USP12: variants seen among roughly 807,000 people sequenced by gnomAD.
USP12 encodes ubiquitin carboxyl-terminal hydrolase 12.
A neutral mutation model predicts 45.5 loss-of-function variants in USP12; 19 were observed. That is an observed-to-expected ratio of 0.42 (90% CI 0.29 to 0.61). USP12 has a LOEUF of 0.61. Ranked by LOEUF, USP12 falls within the 20% of genes least tolerant of loss-of-function variation. The pLI is 0.22. For missense variants in USP12, 242 were observed against 447.7 expected, an observed-to-expected ratio of 0.54 and a Z score of 4.15; for synonymous variants, 149 against 148.8, an observed-to-expected ratio of 1.00 and a Z score of -0.01.
intron 1 of USP12, among the ~76,000 whole-genome samples, chr13:27,156,625 C>A (rs1877855234): frequency 6.6e-6 from 1 of 152,180 alleles, no homozygotes; most frequent in Non-Finnish European, 1.5e-5. Context: ...TGAGACCAGC[C>A]TGGCCAACAT....
chr13:27,144,252 C>G (rs1877204111), intron 1 of USP12, among the ~76,000 whole-genome samples: 1 of 151,840 alleles, frequency 6.6e-6, no homozygotes, highest in South Asian at 2.1e-4. Flanking sequence ...AACCCCAGTG[C>G]TTTGGGAGAC....
chr13:27,088,338 T>C (rs1003386473), intron 6 of USP12, among the ~76,000 whole-genome samples: 3 of 143,406 alleles, frequency 2.1e-5, no homozygotes, highest in Admixed American at 1.5e-4. Context: ...ATGGCGTGAA[T>C]CCGGGAAGGC....
Position 27,150,454 on chromosome 13 carries a change from C to T in USP12, c.48+21138G>A, listed in dbSNP as rs557607201. On this transcript the variant is annotated intron_variant, in intron 1 of 8. Coordinates refer to ENST00000282344, the MANE Select transcript of USP12 (RefSeq NM_182488.4). Reference sequence around the variant, plus strand: ...AAAGAAATTAAAGGAAATCTAAACACAGAGAAAAACATACCATGTTCACAG... The same window carrying T: ...AAAGAAATTAAAGGAAATCTAAACATAGAGAAAAACATACCATGTTCACAG... 3.3e-5 allele frequency among the ~76,000 whole-genome samples: 5 copies of T among 152,178 alleles called. No individual in the cohort carries two copies. In the East Asian group the frequency reaches 9.6e-4, roughly 29 times the overall value.
At chr13:27,143,198 G>T (rs1470507765) in intron 1 of USP12, among the ~76,000 whole-genome samples, 1 of 151,246 alleles carries the variant, frequency 6.6e-6, no homozygotes, top group East Asian at 1.9e-4. Flanking sequence ...CAAAAAGAAT[G>T]ATTGTAATTG....
At chr13:27,099,859 T>C (rs1874784789) in intron 3 of USP12, among the ~76,000 whole-genome samples, 1 of 152,216 alleles carries the variant, frequency 6.6e-6, no homozygotes, top group Non-Finnish European at 1.5e-5. Context: ...ATCCCCATGT[T>C]ATGTTTAAAA....
At chr13:27,163,453 C>T (rs539552043) in intron 1 of USP12, among the ~76,000 whole-genome samples, 80 of 152,266 alleles carry the variant, frequency 5.3e-4, no homozygotes, top group African/African-American at 1.9e-3. Context: ...GAAGCTTTTT[C>T]CTGAAGCCCT....
At chr13:27,155,379 C>T (rs1340259126) in intron 1 of USP12, among the ~76,000 whole-genome samples, 2 of 152,006 alleles carry the variant, frequency 1.3e-5, no homozygotes, top group Non-Finnish European at 1.5e-5. Flanking sequence ...CTGCACCCAG[C>T]GACCTCCATA....
intron 1 of USP12, chr13:27,170,451 CT>C (rs1878538513): frequency 2.5e-6 from 1 of 397,122 alleles, no homozygotes; most frequent in East Asian, 3.6e-5. Context: ...TCAGAAGTCT[CT>C]AATAACAACC....
At chr13:27,123,707 G>C (rs1357940729) in intron 1 of USP12, among the ~76,000 whole-genome samples, 1 of 152,218 alleles carries the variant, frequency 6.6e-6, no homozygotes, top group Admixed American at 6.5e-5. Flanking sequence ...CGCCATGTAA[G>C]ACATGCCTTT....
At chr13:27,092,611 C>A (rs1874369749) in intron 4 of USP12, among the ~76,000 whole-genome samples, 1 of 152,122 alleles carries the variant, frequency 6.6e-6, no homozygotes, top group South Asian at 2.1e-4. Context: ...GGCAATTCAA[C>A]AGAGAAAGAA....
At chr13:27,098,114 G>A (rs1210338692) in intron 3 of USP12, among the ~76,000 whole-genome samples, 3 of 151,488 alleles carry the variant, frequency 2.0e-5, no homozygotes, top group Admixed American at 6.6e-5. Context: ...AGAAAGTAAA[G>A]TTGTTACTAC....
intron 8 of USP12, among the ~76,000 whole-genome samples, chr13:27,070,506 T>G (rs1873198600): frequency 6.7e-6 from 1 of 149,872 alleles, no homozygotes; most frequent in Non-Finnish European, 1.5e-5. Context: ...ATGGCTTAAT[T>G]TTTTTTTTTT....
intron 3 of USP12, 57 bp downstream of exon 3, chr13:27,105,674 G>A: frequency 1.3e-6 from 2 of 1,502,850 alleles, no homozygotes; most frequent in Non-Finnish European, 1.8e-6. Context: ...CTGGAATTAT[G>A]GCACACTATA....
chr13:27,136,026 G>A (rs991763483), intron 1 of USP12, among the ~76,000 whole-genome samples: 4 of 152,164 alleles, frequency 2.6e-5, no homozygotes, highest in African/African-American at 9.7e-5. Context: ...ATTTTAAACA[G>A]ACCCCAATTT....
At chr13:27,142,177 C>G (rs991957337) in intron 1 of USP12, among the ~76,000 whole-genome samples, 1 of 152,154 alleles carries the variant, frequency 6.6e-6, no homozygotes, top group African/African-American at 2.4e-5. Flanking sequence ...AGTGAAAAGC[C>G]TGGCAGGCCA....
chr13:27,167,694 T>C (rs554568374), intron 1 of USP12, among the ~76,000 whole-genome samples: 3 of 151,980 alleles, frequency 2.0e-5, no homozygotes, highest in South Asian at 4.1e-4. Flanking sequence ...AAATAAATAT[T>C]TTATTAATAA....
rs543007068 is a variant in USP12 at position 27,137,879 on chromosome 13, G to A, written c.49-21283C>T. Among the ~76,000 whole-genome samples, 11 of 152,322 alleles carry A rather than the reference G, an allele frequency of 7.2e-5. No homozygotes were observed. The South Asian group carries it at 1.0e-3, about 14-fold the overall frequency. On this transcript the variant is annotated intron_variant, in intron 1 of 8. Coordinates refer to ENST00000282344, the MANE Select transcript of USP12 (RefSeq NM_182488.4). ...TGGCTTGGAAGGAGCAAGCTGCCGC[G>A]CTGAGAGGACTTATGGAGAGGGCCA...
intron 2 of USP12, among the ~76,000 whole-genome samples, chr13:27,115,641 A>G (rs2137796735): frequency 6.6e-6 from 1 of 152,342 alleles, no homozygotes; most frequent in East Asian, 1.9e-4. Context: ...GATACTCCCC[A>G]GTGACTCAGA....
chr13:27,165,759 G>GT (rs1878321539), intron 1 of USP12, among the ~76,000 whole-genome samples: 1 of 152,112 alleles, frequency 6.6e-6, no homozygotes, highest in African/African-American at 2.4e-5. Context: ...GAAAATGGTG[G>GT]TATCAGTAAC....
Sources: gnomAD v4.1 joint callset for allele counts (sites outside exome capture counted in the v4.1 genomes callset) on GRCh38, gnomAD v4.1.1 for gene constraint, MANE v1.5 for transcripts, NCBI Gene and HGNC (gene_info 2026-07-23, HGNC 2026-07-21) for gene names.